Variants in CTNNA2 observed in about 807,000 individuals in gnomAD.
CTNNA2 encodes the protein catenin alpha 2.
CTNNA2 carries 42 observed loss-of-function variants against 101.0 expected under a neutral mutation model. The ratio of observed to expected loss-of-function variants is 0.42; its 90% confidence interval spans 0.32 to 0.54. The LOEUF (loss-of-function observed/expected upper bound fraction) is 0.54, where lower values mean the gene tolerates loss of function less well. CTNNA2 is among the 20% of genes least tolerant of loss of function. The pLI is 0.14. For missense variants in CTNNA2, 871 were observed against 1,223.1 expected, an observed-to-expected ratio of 0.71 and a Z score of 4.29; for synonymous variants, 450 against 456.4, an observed-to-expected ratio of 0.99 and a Z score of 0.18.
intron 6 of CTNNA2, among the ~76,000 whole-genome samples, chr2:79,904,597 A>T (rs1685293517): frequency 6.6e-6 from 1 of 152,162 alleles, no homozygotes; most frequent in African/African-American, 2.4e-5. Flanking sequence ...TGGTGACCTT[A>T]TTTGTGAGCT....
chr2:80,512,675 TTC>T (rs944617434), intron 9 of CTNNA2, among the ~76,000 whole-genome samples: 2 of 49,240 alleles, frequency 4.1e-5, no homozygotes, highest in African/African-American at 5.2e-4. Flanking sequence ...TATTTTTAAA[TTC>T]TTTTTTTTTG....
intron 7 of CTNNA2, among the ~76,000 whole-genome samples, chr2:80,040,070 C>T (rs750910692): frequency 6.6e-6 from 1 of 152,094 alleles, no homozygotes; most frequent in Non-Finnish European, 1.5e-5. Flanking sequence ...CAAAGCTTTT[C>T]AATTTATTTG....
intron 2 of CTNNA2, among the ~76,000 whole-genome samples, chr2:79,655,838 A>T (rs1049741584): frequency 6.6e-6 from 1 of 152,186 alleles, no homozygotes; most frequent in South Asian, 2.1e-4. Flanking sequence ...CAAAAAAAAA[A>T]AAAAAATGTC....
intron 7 of CTNNA2, among the ~76,000 whole-genome samples, chr2:79,982,232 A>ATATATATATATATG (rs1691357029): frequency 2.0e-5 from 2 of 97,598 alleles, no homozygotes; most frequent in African/African-American, 9.1e-5. Flanking sequence ...ATATATATAT[A>ATATATATATATATG]TATATATATG....
rs990370679 is a variant in CTNNA2 at position 79,750,634 on chromosome 2, G to A, written c.298+6052G>A. On this transcript the variant is annotated intron_variant, in intron 3 of 18. Coordinates refer to ENST00000402739, the MANE Select transcript of CTNNA2 (RefSeq NM_001282597.3). Reference sequence around the variant, plus strand: ...TCCCAGCACTTTGGGAGGCCAAGGCGGGCAGATCACGAGGTTAGGAGATTA... The same window carrying A: ...TCCCAGCACTTTGGGAGGCCAAGGCAGGCAGATCACGAGGTTAGGAGATTA... Among the ~76,000 whole-genome samples the A allele has an allele frequency of 3.3e-5, 5 of 152,176 alleles. No individual in the cohort carries two copies. The East Asian group carries it at 9.7e-4, about 30-fold the overall frequency.
intron 9 of CTNNA2, among the ~76,000 whole-genome samples, chr2:80,504,233 T>C (rs931888763): frequency 6.6e-6 from 1 of 152,188 alleles, no homozygotes; most frequent in African/African-American, 2.4e-5. Flanking sequence ...ATATTTTCAC[T>C]TTCTTGCCAG....
chr2:79,646,524 CTTTTTTTTTT>C (rs67454188), intron 1 of CTNNA2, among the ~76,000 whole-genome samples: 14 of 106,144 alleles, frequency 1.3e-4, no homozygotes, highest in Middle Eastern at 6.8e-3. Flanking sequence ...TTCTTTCTGT[CTTTTTTTTTT>C]TTTTTTTTTT....
chr2:80,211,793 A>G (rs1350412800), intron 7 of CTNNA2, among the ~76,000 whole-genome samples: 2 of 152,154 alleles, frequency 1.3e-5, no homozygotes, highest in Non-Finnish European at 2.9e-5. Flanking sequence ...CATTGAATCT[A>G]TAAATTACCT....
intron 7 of CTNNA2, among the ~76,000 whole-genome samples, chr2:80,232,218 C>G (rs1039577333): frequency 6.6e-6 from 1 of 152,070 alleles, no homozygotes; most frequent in African/African-American, 2.4e-5. Context: ...GTAACCCAAC[C>G]ACTTTGCCAC....
chr2:80,478,264 C>G (rs567176824), intron 9 of CTNNA2, among the ~76,000 whole-genome samples: 1 of 152,100 alleles, frequency 6.6e-6, no homozygotes, highest in East Asian at 1.9e-4. Flanking sequence ...TATTTTCTCG[C>G]TGATCTGTCC....
chr2:79,399,783 A>AG (rs1354211292), intron 4 of CTNNA2, among the ~76,000 whole-genome samples: 1 of 152,114 alleles, frequency 6.6e-6, no homozygotes, highest in Non-Finnish European at 1.5e-5. Flanking sequence ...CCTAGATGTC[A>AG]GACTTACTAG....
At chr2:79,997,027 A>G (rs1692595890) in intron 7 of CTNNA2, among the ~76,000 whole-genome samples, 1 of 152,036 alleles carries the variant, frequency 6.6e-6, no homozygotes, top group African/African-American at 2.4e-5. Flanking sequence ...CCAGGTCAAA[A>G]TCCGCCCAGC....
rs560794158 is a variant in CTNNA2 at position 79,199,814 on chromosome 2, A to G, written c.-406+1738A>G. On this transcript the variant is annotated intron_variant, in intron 2 of 21. Coordinates refer to the CTNNA2 transcript ENST00000466387. ...ACTCCTAAATTCAAGTGATCCTCCC[A>G]TCTCAGCCTCCTGAGTAGCTGGGAC... 1.2e-4 allele frequency among the ~76,000 whole-genome samples: 18 copies of G among 152,282 alleles called. 1 individual carries two copies. In the East Asian group the frequency reaches 3.1e-3, roughly 26 times the overall value.
At chr2:79,624,026 T>A (rs983131420) in intron 1 of CTNNA2, among the ~76,000 whole-genome samples, 14 of 151,968 alleles carry the variant, frequency 9.2e-5, no homozygotes, top group African/African-American at 3.4e-4. Flanking sequence ...CTTTCCCCCA[T>A]GCTCTCTTTC....
chr2:79,646,426 T>G (rs1172278960), intron 1 of CTNNA2, among the ~76,000 whole-genome samples: 1 of 152,160 alleles, frequency 6.6e-6, no homozygotes, highest in African/African-American at 2.4e-5. Context: ...TGCCTCTTTC[T>G]TACCACCACA....
At chr2:79,818,884 A>C (rs1677769919) in intron 3 of CTNNA2, among the ~76,000 whole-genome samples, 1 of 104,970 alleles carries the variant, frequency 9.5e-6, no homozygotes, top group Non-Finnish European at 1.7e-5. Flanking sequence ...AACTCAAGCA[A>C]AGCACTAATA....
intron 7 of CTNNA2, among the ~76,000 whole-genome samples, chr2:79,914,404 T>C (rs1187471264): frequency 6.6e-6 from 1 of 152,200 alleles, no homozygotes. Context: ...TTATTCTAGG[T>C]ACTAAAACTG....
rs531973816 is a variant in CTNNA2 at position 79,519,070 on chromosome 2, A to T, written c.-6+5863A>T. On this transcript the variant is annotated intron_variant, in intron 1 of 18. Coordinates refer to ENST00000402739, the MANE Select transcript of CTNNA2 (RefSeq NM_001282597.3). ...ATGATGAAACCCTGTCTCTACTAAA[A>T]ATACAAAAATTAGCCAGGCATGGTG... Among the ~76,000 whole-genome samples, 154 of 151,922 alleles carry T rather than the reference A, an allele frequency of 1.0e-3. 1 individual carries two copies. Among genetic ancestry groups the T allele is most frequent in the Non-Finnish European group, 1.3e-3 (89 of 67,994 alleles).
intron 7 of CTNNA2, among the ~76,000 whole-genome samples, chr2:80,051,590 G>A (rs572162554): frequency 3.0e-4 from 46 of 152,220 alleles, no homozygotes; most frequent in African/African-American, 1.0e-3. Context: ...GGGAATAACA[G>A]GCTGGATCCC....
Sources: allele counts gnomAD v4.1 joint callset (sites outside exome capture counted in the v4.1 genomes callset), GRCh38; gene constraint gnomAD v4.1.1; transcripts MANE v1.5; gene names NCBI Gene and HGNC (gene_info 2026-07-23, HGNC 2026-07-21).